MYO1E: variants seen among roughly 807,000 people sequenced by gnomAD.
MYO1E encodes myosin IE, also known as unconventional myosin-Ie.
MYO1E carries 68 observed loss-of-function variants against 151.1 expected under a neutral mutation model. That is an observed-to-expected ratio of 0.45 (90% CI 0.37 to 0.55). The LOEUF is 0.55. MYO1E is among the 20% of genes least tolerant of loss of function. The probability of loss-of-function intolerance (pLI) is 0.00; values close to 1 mark genes in which losing one functional copy is unlikely to be tolerated. For missense variants in MYO1E, 1,363 were observed against 1,389.3 expected (o/e 0.98, Z 0.30); for synonymous variants, 601 against 501.7 (o/e 1.20, Z -2.64).
At position 59,372,717 on chromosome 15, in the gene MYO1E, A is replaced by AGGCGG; in HGVS notation, c.-222_-218dup. On this transcript the variant is annotated 5_prime_UTR_variant, in exon 1 of 28. The change abolishes the stop of an existing upstream ORF in the 5' untranslated region. Transcript: ENST00000288235. ...GAGGGCGAGACGGCGGCGACTTAGC[A>AGGCGG]GGCGGGGCGCATGCTGCGGAGGGCA... 1.7e-6 allele frequency: 1 copy of AGGCGG among 594,178 alleles called. No homozygotes were observed. The highest frequency in any genetic ancestry group is 2.1e-5 in the South Asian group (1 of 47,180). 36.8% of individuals were successfully genotyped at this position (594,178 alleles called of 1,614,324 possible). A position where few individuals can be genotyped will look rare whatever the true frequency, so the allele number is the denominator to read the frequency against.
Position 59,220,413 on chromosome 15 carries a change from C to T in MYO1E, c.911-2326G>A, listed in dbSNP as rs576888283. On this transcript the variant is annotated intron_variant, in intron 9 of 27. Coordinates refer to ENST00000288235, the MANE Select transcript of MYO1E (RefSeq NM_004998.4). ...GCAGTGAGCCGAGATAGCGCCACTG[C>T]GCTCCAGCCTGGGTGACACAGAAAG... 4.0e-4 allele frequency among the ~76,000 whole-genome samples: 61 copies of T among 152,294 alleles called. 1 individual carries two copies. The highest frequency in any genetic ancestry group is 9.6e-4 in the African/African-American group (40 of 41,562).
At chr15:59,209,460 G>A (rs1444774435) in intron 13 of MYO1E, among the ~76,000 whole-genome samples, 1 of 151,866 alleles carries the variant, frequency 6.6e-6, no homozygotes, top group Non-Finnish European at 1.5e-5. Context: ...GGTGGATCAC[G>A]AGGTCAGGAG....
rs532034447 is a variant in MYO1E at position 59,236,140 on chromosome 15, G to A, written c.420+445C>T. Among the ~76,000 whole-genome samples, 128 of 151,838 alleles carry A rather than the reference G, an allele frequency of 8.4e-4. 1 individual carries two copies. The highest frequency in any genetic ancestry group is 2.7e-3 in the African/African-American group (113 of 41,418). ...GCAGATCACCTGAGGTCAGGAGTTC[G>A]AGACCAGACTGGCCAACATAGTGAA... On this transcript the variant is annotated intron_variant, in intron 5 of 27. Coordinates refer to ENST00000288235, the MANE Select transcript of MYO1E (RefSeq NM_004998.4).
rs1333084431 is a variant in MYO1E, at chr15:59,248,467, A to C, written c.332+7817T>G. On this transcript the variant is annotated intron_variant, in intron 4 of 27. Transcript: ENST00000288235. The stretch of plus-strand genomic sequence containing the variant: ...ACACCACTGAACTCCAGCCTGAACG[A>C]CAGGGTGAGACTCCATCTCAAAAAA... 8.1e-5 allele frequency among the ~76,000 whole-genome samples: 11 copies of C among 135,836 alleles called. No homozygotes were observed. In the East Asian group the frequency reaches 2.4e-3, roughly 30 times the overall value. 89.1% of individuals were successfully genotyped at this position (135,836 alleles called of 152,430 possible). A position where few individuals can be genotyped will look rare whatever the true frequency, so the allele number is the denominator to read the frequency against.
In MYO1E at chr15:59,159,571, C is replaced by T. The variant is rs1366973635; in HGVS notation, c.2786-1192G>A. ...TCCTCCCTCTGCTGCTTCAGGTTTG[C>T]GGATAATAATGATTTCCTGCCACTC... On this transcript the variant is annotated intron_variant, in intron 24 of 27. Transcript: ENST00000288235. This position sits in a 1 kb window ranked among gnomAD's most constrained non-coding sequence, Gnocchi z 4.4. 6.6e-6 allele frequency among the ~76,000 whole-genome samples: 1 copy of T among 152,164 alleles called. No homozygotes were observed. Among genetic ancestry groups the T allele is most frequent in the Non-Finnish European group, 1.5e-5 (1 of 68,020 alleles).
intron 26 of MYO1E, among the ~76,000 whole-genome samples, chr15:59,146,747 A>AT (rs1413788094): frequency 6.7e-6 from 1 of 149,374 alleles, no homozygotes; most frequent in Non-Finnish European, 1.5e-5. Context: ...TATATGTAAT[A>AT]TACATATGTT....
At chr15:59,207,601 T>A (rs776712456) in intron 14 of MYO1E, 1 of 1,614,170 alleles carries the variant, frequency 6.2e-7, no homozygotes, top group South Asian at 1.1e-5. Flanking sequence ...TCGTTTTCGT[T>A]TCTTGATTGG....
At chr15:59,206,668 G>C in intron 14 of MYO1E, 1 of 461,564 alleles carries the variant, frequency 2.2e-6, no homozygotes, top group Non-Finnish European at 3.8e-6. Context: ...AGCCTCTTAA[G>C]CATGTCAACT....
intron 1 of MYO1E, among the ~76,000 whole-genome samples, chr15:59,292,925 G>C (rs1163501132): frequency 6.6e-6 from 1 of 152,168 alleles, no homozygotes; most frequent in Non-Finnish European, 1.5e-5. Context: ...TAGGATTTGA[G>C]GTGGCAGGCA....
At chr15:59,287,334 A>G (rs185723502) in intron 1 of MYO1E, among the ~76,000 whole-genome samples, 9 of 152,314 alleles carry the variant, frequency 5.9e-5, no homozygotes, top group Admixed American at 3.9e-4. Context: ...CTTATCTTCT[A>G]TTGATGTGTC....
chr15:59,316,427 C>A (rs576707505), intron 1 of MYO1E, among the ~76,000 whole-genome samples: 1 of 152,250 alleles, frequency 6.6e-6, no homozygotes, highest in South Asian at 2.1e-4. Flanking sequence ...AACTCATACC[C>A]AAGTCTGCCA....
chr15:59,291,709 A>G (rs2080420254), intron 1 of MYO1E, among the ~76,000 whole-genome samples: 1 of 138,850 alleles, frequency 7.2e-6, no homozygotes, highest in African/African-American at 3.0e-5. Context: ...AAAAAAAAAA[A>G]AAAGAGAGAG....
At chr15:59,191,334 G>GAC (rs2079732103) in intron 17 of MYO1E, among the ~76,000 whole-genome samples, 1 of 79,218 alleles carries the variant, frequency 1.3e-5, no homozygotes. Context: ...GACAGAGACA[G>GAC]AGAGAGAGAG....
At chr15:59,179,912 C>G (rs2079648363) in intron 18 of MYO1E, among the ~76,000 whole-genome samples, 2 of 152,242 alleles carry the variant, frequency 1.3e-5, no homozygotes, top group Non-Finnish European at 2.9e-5. Context: ...CGTGAGAGCA[C>G]ATCCAGGGCC....
At chr15:59,208,962 G>T in intron 13 of MYO1E, 114 bp from the exon 14 acceptor site, 1 of 1,260,374 alleles carries the variant, frequency 7.9e-7, no homozygotes. Context: ...ATACCATCTT[G>T]AAAGTCAGTA....
At chr15:59,163,729 A>G (rs1389293122) in intron 22 of MYO1E, among the ~76,000 whole-genome samples, 2 of 152,302 alleles carry the variant, frequency 1.3e-5, no homozygotes, top group Admixed American at 6.5e-5. Flanking sequence ...GGTTATAGCT[A>G]TTGTAGTAAA....
intron 1 of MYO1E, among the ~76,000 whole-genome samples, chr15:59,364,935 A>G (rs1181564943): frequency 6.6e-6 from 1 of 151,974 alleles, no homozygotes; most frequent in Non-Finnish European, 1.5e-5. Context: ...CAAAGAAACA[A>G]TGCATTTGAA....
At position 59,224,754 on chromosome 15, in the gene MYO1E, G is replaced by A; in HGVS notation, c.712C>T (p.Leu238=). 1.2e-6 allele frequency: 2 copies of A among 1,614,200 alleles called. No homozygotes were observed. The change falls in exon 8 of 28, where the codon CTG becomes TTG. Residue 238 remains leucine, a synonymous_variant. Transcript: ENST00000288235. ...ACCTTGTATGAGCCCGAGAGGCTCA[G>A]GTAGTAATAATAGTCCATGCTGGTG... The part of the protein sequence containing the change: ...GITSMDYYYY[L]SLSGSYKVDD...
chr15:59,264,207 C>A lies in MYO1E; in HGVS notation c.148-2698G>T, dbSNP rs190615862. On this transcript the variant is annotated intron_variant, in intron 2 of 27. Coordinates refer to ENST00000288235, the MANE Select transcript of MYO1E (RefSeq NM_004998.4). ...TATCAAAACATTTCAAACTTTGCAG[C>A]ATTTCAAATTTGGAATTTTCAGATT... 1.1e-4 allele frequency among the ~76,000 whole-genome samples: 16 copies of A among 152,280 alleles called. No individual in the cohort carries two copies. In the East Asian group the frequency reaches 2.9e-3, roughly 28 times the overall value.
Sources: allele counts gnomAD v4.1 joint callset (sites outside exome capture counted in the v4.1 genomes callset), GRCh38; gene constraint gnomAD v4.1.1; non-coding constraint Gnocchi (gnomAD v3.1); transcripts MANE v1.5; gene names NCBI Gene and HGNC (gene_info 2026-07-23, HGNC 2026-07-21).